PKP1: variants seen among roughly 807,000 people sequenced by gnomAD.
The protein encoded by PKP1 is plakophilin 1, also known as plakophilin-1.
PKP1 carries 27 observed loss-of-function variants against 76.4 expected under a neutral mutation model. That is an observed-to-expected ratio of 0.35 (90% confidence interval 0.26 to 0.49). The LOEUF is 0.49. Ranked by LOEUF, PKP1 falls within the 20% of genes least tolerant of loss-of-function variation. The pLI is 0.99. For missense variants in PKP1, 964 were observed against 955.2 expected, an observed-to-expected ratio of 1.01 and a Z score of -0.12; for synonymous variants, 404 against 384.2, an observed-to-expected ratio of 1.05 and a Z score of -0.60.
intron 1 of PKP1, among the ~76,000 whole-genome samples, chr1:201,290,488 A>G (rs373566146): frequency 6.6e-5 from 10 of 152,072 alleles, no homozygotes; most frequent in Admixed American, 6.6e-5. Context: ...CCCCTCCCCC[A>G]TTCCCCAGGA....
At chr1:201,284,095 C>G (rs1225551259) in intron 1 of PKP1, among the ~76,000 whole-genome samples, 191 bp downstream of exon 1, 1 of 152,168 alleles carries the variant, frequency 6.6e-6, no homozygotes, top group Non-Finnish European at 1.5e-5. Context: ...AAACGCGACC[C>G]GAGGCTGGCT....
chr1:201,295,992 C>T (rs1278731142), intron 2 of PKP1, among the ~76,000 whole-genome samples: 1 of 152,214 alleles, frequency 6.6e-6, no homozygotes, highest in Non-Finnish European at 1.5e-5. Flanking sequence ...AAACTGTCCT[C>T]ACCCCTCCCT....
At chr1:201,307,646 G>A (rs1288359466) in intron 2 of PKP1, among the ~76,000 whole-genome samples, 1 of 152,176 alleles carries the variant, frequency 6.6e-6, no homozygotes, top group Non-Finnish European at 1.5e-5. Flanking sequence ...CAATATCCCA[G>A]TCCTGACTGA....
chr1:201,304,149 G>C (rs1656309384), intron 2 of PKP1, among the ~76,000 whole-genome samples: 1 of 152,148 alleles, frequency 6.6e-6, no homozygotes, highest in Non-Finnish European at 1.5e-5. Context: ...CAGCTCTCAG[G>C]AGGCCCCACA....
chr1:201,287,549 T>C (rs569744935), intron 1 of PKP1, among the ~76,000 whole-genome samples: 90 of 152,360 alleles, frequency 5.9e-4, no homozygotes, highest in Admixed American at 1.6e-3. Flanking sequence ...GCTTGTTCCA[T>C]TGGCGAAACA....
intron 1 of PKP1, among the ~76,000 whole-genome samples, chr1:201,292,006 AG>A (rs955512194): frequency 3.9e-5 from 6 of 152,220 alleles, no homozygotes; most frequent in African/African-American, 1.4e-4. Flanking sequence ...GGGAGCTTGG[AG>A]GAAGCCAGAG....
chr1:201,324,881 C>A (rs1482974911), intron 10 of PKP1, 60 bp from the exon 11 acceptor site: 6 of 1,501,502 alleles, frequency 4.0e-6, no homozygotes, highest in African/African-American at 2.7e-5. Context: ...CAGAGGGAAC[C>A]CCTCAGCCCT....
chr1:201,312,669 T>C (rs920898924), intron 2 of PKP1, among the ~76,000 whole-genome samples: 1 of 152,196 alleles, frequency 6.6e-6, no homozygotes, highest in African/African-American at 2.4e-5. Flanking sequence ...CTCCTCCACT[T>C]TTCTGAGACA....
intron 2 of PKP1, among the ~76,000 whole-genome samples, chr1:201,306,321 G>A (rs2268159): frequency 0.039 from 5,965 of 152,252 alleles, 359 homozygotes; most frequent in African/African-American, 0.13. Context: ...TCGGCTAGGC[G>A]CTGGGCTGCA....
intron 6 of PKP1, 63 bp from the exon 7 acceptor site, chr1:201,320,204 C>A: frequency 9.5e-7 from 1 of 1,051,530 alleles, no homozygotes; most frequent in East Asian, 2.5e-5. Flanking sequence ...CTCTCTTGTC[C>A]CCACCTTCCC....
intron 1 of PKP1, among the ~76,000 whole-genome samples, chr1:201,292,267 G>A (rs1345496387): frequency 6.6e-6 from 1 of 152,164 alleles, no homozygotes; most frequent in Non-Finnish European, 1.5e-5. Context: ...CCACCACAGG[G>A]CAGTGGAACT....
intron 7 of PKP1, 119 bp from the exon 8 acceptor site, chr1:201,321,859 C>T (rs1656949802): frequency 1.7e-6 from 2 of 1,154,260 alleles, no homozygotes; most frequent in East Asian, 2.4e-5. Flanking sequence ...GGTGCCTGCG[C>T]TCATCTTTCC....
chr1:201,317,582 T>C lies in PKP1; in HGVS notation c.857T>C (p.Leu286Pro). Residue 286 changes from leucine to proline, a missense_variant, in exon 5 of 14, where the codon CTG becomes CCG. By Grantham distance (98) the Leu-to-Pro change is moderately conservative. Transcript: ENST00000367324. ...DESAKQQVYQ[L>P]GGICKLVDLL... ...ACTCTTTCCTGGCAGGTCTATCAGC[T>C]GGGAGGCATCTGCAAGCTGGTGGAC... The C allele has an allele frequency of 6.2e-7, 1 of 1,613,852 alleles. No individual in the cohort carries two copies. The highest frequency in any genetic ancestry group is 8.5e-7 in the Non-Finnish European group (1 of 1,179,930).
chr1:201,315,418 C>T (rs575500648), intron 3 of PKP1, among the ~76,000 whole-genome samples: 7 of 152,206 alleles, frequency 4.6e-5, no homozygotes, highest in Non-Finnish European at 1.0e-4. Context: ...AAGGATAGGG[C>T]TCCCTCTTTG....
At chr1:201,321,089 C>T (rs1772828) in intron 7 of PKP1, among the ~76,000 whole-genome samples, 94,178 of 152,090 alleles carry the variant, frequency 0.62, 30,242 homozygotes, top group East Asian at 0.76. Flanking sequence ...CGCCAGGGAA[C>T]GGGCTGACAT....
At chr1:201,302,855 G>A (rs947373) in intron 2 of PKP1, among the ~76,000 whole-genome samples, 135,698 of 152,234 alleles carry the variant, frequency 0.89, 60,997 homozygotes, top group East Asian at 1. Context: ...TGAATCACAG[G>A]CTGCCGAACT....
intron 1 of PKP1, 84 bp downstream of exon 1, chr1:201,283,988 C>T: frequency 1.6e-6 from 2 of 1,277,012 alleles, no homozygotes; most frequent in Non-Finnish European, 1.1e-6. Context: ...ACGCACGCAT[C>T]CCCGGGGATG....
chr1:201,319,830 T>A (rs555119427), intron 6 of PKP1: 1 of 1,614,018 alleles, frequency 6.2e-7, no homozygotes, highest in Non-Finnish European at 8.5e-7. Context: ...AGACTGGGCA[T>A]GCGGGAGCTT....
rs777647005 is a variant in PKP1, at chr1:201,322,079, C to T, written c.1449C>T (p.Ala483=). ...AGCTGGAGTATAACGCCCGCAACGCCTACACCGAGAAGTCCTCCACTGGCT... is the reference window on the plus strand; with the variant it reads ...AGCTGGAGTATAACGCCCGCAACGCTTACACCGAGAAGTCCTCCACTGGCT... ...YRQLEYNARN[A]YTEKSSTGCF... is the part of the protein sequence containing the mutation. The change falls in exon 8 of 14, where the codon GCC becomes GCT. Residue 483 remains alanine (A), a synonymous_variant. Coordinates refer to ENST00000367324, the MANE Select transcript of PKP1 (RefSeq NM_001005337.3). 3.7e-6 allele frequency: 6 copies of T among 1,613,244 alleles called. No homozygotes were observed. In the Admixed American group the frequency reaches 8.3e-5, roughly 22 times the overall value.
Sources: allele counts gnomAD v4.1 joint callset (sites outside exome capture counted in the v4.1 genomes callset), GRCh38; gene constraint gnomAD v4.1.1; transcripts MANE v1.5; gene names NCBI Gene and HGNC (gene_info 2026-07-23, HGNC 2026-07-21).